CCNK: variants seen among roughly 807,000 people sequenced by gnomAD.
CCNK encodes the protein cyclin-K.
In CCNK, 9 loss-of-function variants were observed where a neutral mutation model predicts 65.0. That is an observed-to-expected ratio of 0.14 (90% CI 0.08 to 0.24). The LOEUF (loss-of-function observed/expected upper bound fraction) is 0.24, where lower values mean the gene tolerates loss of function less well. Ranked by LOEUF, CCNK falls within the 10% of genes least tolerant of loss-of-function variation. CCNK has a pLI of 1.00. For synonymous variants in CCNK, 279 were observed against 270.8 expected (o/e 1.03, Z -0.30); for missense variants, 474 against 720.0 (o/e 0.66, Z 3.91).
rs1897113031 is a variant in CCNK at position 99,510,828 on chromosome 14, T to TC, written c.*47dup. Reference sequence around the variant, plus strand: ...TTGTTTTTTTAACAAGATTTTCTAATCGACTTGCAGAGTAGTTGAAGTGGG... The same window carrying TC: ...TTGTTTTTTTAACAAGATTTTCTAATCCGACTTGCAGAGTAGTTGAAGTGGG... On this transcript the variant is annotated 3_prime_UTR_variant, in exon 11 of 11. Transcript: ENST00000389879. 1.4e-6 allele frequency: 2 copies of TC among 1,380,244 alleles called. No individual in the cohort carries two copies. Among genetic ancestry groups the TC allele is most frequent in the African/African-American group, 3.0e-5 (2 of 67,558 alleles). The allele number at this position is 1,380,244 out of a possible 1,614,324, so 85.5% of individuals were successfully genotyped here. A position where few individuals can be genotyped will look rare whatever the true frequency, so the allele number is the denominator to read the frequency against.
At chr14:99,488,022 A>C (rs1306279539) in intron 1 of CCNK, among the ~76,000 whole-genome samples, 2 of 152,170 alleles carry the variant, frequency 1.3e-5, no homozygotes, top group Non-Finnish European at 2.9e-5. Flanking sequence ...ACCTGTGGAC[A>C]CATGTTCGTT....
chr14:99,510,425 C>G lies in CCNK; in HGVS notation c.1386C>G (p.Pro462=), dbSNP rs1234753515. ...AGGGACCCTCCTACGGTGCCCTGCC[C>G]CCCGCCTACGGCCCACCTGCACACC... The part of the protein sequence containing the change: ...KTEGPSYGAL[P]PAYGPPAHLP... The change falls in exon 11 of 11, where the codon CCC becomes CCG. Residue 462 remains proline (P), a synonymous_variant. Coordinates refer to ENST00000389879, the MANE Select transcript of CCNK (RefSeq NM_001099402.2). 3 of 1,548,184 alleles carry G rather than the reference C, an allele frequency of 1.9e-6. No individual in the cohort carries two copies. Among genetic ancestry groups the G allele is most frequent in the Admixed American group, 2.0e-5 (1 of 50,852 alleles).
intron 1 of CCNK, among the ~76,000 whole-genome samples, chr14:99,488,913 CT>C (rs78061502): frequency 1.5e-3 from 214 of 141,326 alleles, no homozygotes; most frequent in Admixed American, 2.6e-3. Flanking sequence ...GCTCCTATGT[CT>C]TTTTTTTTTT....
chr14:99,495,720 G>A, intron 4 of CCNK, 91 bp downstream of exon 4: 1 of 1,166,692 alleles, frequency 8.6e-7, no homozygotes, highest in African/African-American at 1.6e-5. Context: ...TGTAGCCCTT[G>A]TGTCTGCCAG....
Position 99,493,445 on chromosome 14 carries a change from T to C in CCNK, c.198-69T>C. The C allele has an allele frequency of 3.2e-6, 3 of 939,408 alleles. No homozygotes were observed. The South Asian group carries it at 5.0e-5, about 16-fold the overall frequency. The allele number at this position is 939,408 out of a possible 1,614,324, so 58.2% of individuals were successfully genotyped here. On this transcript the variant is annotated intron_variant, in intron 2 of 10. Transcript: ENST00000389879. Reference sequence around the variant, plus strand: ...TTTGTTGTTGTTGTTTGTCTTTTTGTTTTTCTACATTTAACTAAGAGTATA... The same window carrying C: ...TTTGTTGTTGTTGTTTGTCTTTTTGCTTTTCTACATTTAACTAAGAGTATA...
At chr14:99,489,677 T>G (rs1896560611) in intron 1 of CCNK, among the ~76,000 whole-genome samples, 1 of 152,256 alleles carries the variant, frequency 6.6e-6, no homozygotes. Context: ...CCATTTGGTT[T>G]GAGTTTTAGG....
chr14:99,506,287 A>G (rs1156950641), intron 9 of CCNK: 2 of 152,274 alleles, frequency 1.3e-5, no homozygotes, highest in African/African-American at 4.8e-5. Context: ...AAGAAAGTAC[A>G]TTTCAGGAAG....
intron 10 of CCNK, chr14:99,509,123 C>A (rs1321104327): frequency 1.3e-5 from 2 of 152,266 alleles, no homozygotes; most frequent in African/African-American, 4.8e-5. Flanking sequence ...GCCACGTCTA[C>A]CCAACCAGGA....
chr14:99,486,921 T>A (rs1340325167), intron 1 of CCNK, among the ~76,000 whole-genome samples: 1 of 152,208 alleles, frequency 6.6e-6, no homozygotes, highest in Non-Finnish European at 1.5e-5. Flanking sequence ...ATTCATATAT[T>A]TCTTTCTTAT....
At chr14:99,482,053 G>A (rs1056249209) in intron 1 of CCNK, among the ~76,000 whole-genome samples, 90 of 152,300 alleles carry the variant, frequency 5.9e-4, no homozygotes, top group Non-Finnish European at 1.2e-3. Context: ...TTTGTTATGA[G>A]AGAAATTGTT....
chr14:99,482,662 C>A (rs925988417), intron 1 of CCNK, among the ~76,000 whole-genome samples: 2 of 152,132 alleles, frequency 1.3e-5, no homozygotes, highest in African/African-American at 4.8e-5. Context: ...GATTTCTGGG[C>A]AAATCCTGTT....
chr14:99,503,887 A>G (rs1020484716), intron 9 of CCNK: 5 of 529,454 alleles, frequency 9.4e-6, no homozygotes, highest in Admixed American at 7.1e-5. Flanking sequence ...ACTCAGTAAC[A>G]TATATAAAAG....
intron 1 of CCNK, among the ~76,000 whole-genome samples, chr14:99,484,272 A>G (rs1225053043): frequency 6.6e-6 from 1 of 152,222 alleles, no homozygotes; most frequent in East Asian, 1.9e-4. Flanking sequence ...CTCAGTGATA[A>G]ATTGTGAGGA....
At chr14:99,485,422 A>T (rs985677403) in intron 1 of CCNK, among the ~76,000 whole-genome samples, 1 of 152,184 alleles carries the variant, frequency 6.6e-6, no homozygotes, top group African/African-American at 2.4e-5. Flanking sequence ...CCCCCTTAAA[A>T]GATTATTTAA....
At chr14:99,503,690 C>T in intron 9 of CCNK, 46 bp downstream of exon 9, 2 of 1,464,466 alleles carry the variant, frequency 1.4e-6, no homozygotes, top group Non-Finnish European at 1.9e-6. Flanking sequence ...TGTTTATATG[C>T]AAAACTTTAA....
chr14:99,496,106 C>T (rs189797094), intron 4 of CCNK, among the ~76,000 whole-genome samples: 164 of 152,274 alleles, frequency 1.1e-3, no homozygotes, highest in Non-Finnish European at 4.0e-4. Flanking sequence ...ACTGGTCACA[C>T]CAGCCATCCT....
intron 4 of CCNK, chr14:99,500,555 A>C: frequency 3.8e-6 from 2 of 520,154 alleles, no homozygotes; most frequent in Non-Finnish European, 6.7e-6. Flanking sequence ...TTTACATTAC[A>C]CCTCTGCTTT....
chr14:99,481,961 T>G (rs1403651667), intron 1 of CCNK, among the ~76,000 whole-genome samples: 1 of 152,200 alleles, frequency 6.6e-6, no homozygotes, highest in African/African-American at 2.4e-5. Context: ...GCGGCTAAGA[T>G]GAGGAAAAGG....
At chr14:99,481,778 A>G (rs1896333083) in intron 1 of CCNK, among the ~76,000 whole-genome samples, 1 of 152,184 alleles carries the variant, frequency 6.6e-6, no homozygotes, top group Non-Finnish European at 1.5e-5. Context: ...GGTTGGGCAA[A>G]AGGGGCAGCG....
Sources: gnomAD v4.1 joint callset for allele counts (sites outside exome capture counted in the v4.1 genomes callset) on GRCh38, gnomAD v4.1.1 for gene constraint, MANE v1.5 for transcripts, NCBI Gene and HGNC (gene_info 2026-07-23, HGNC 2026-07-21) for gene names.